Variants in EPPIN observed in about 807,000 individuals in gnomAD.
EPPIN encodes the protein WAP four-disulfide core domain protein 7.
In EPPIN, 14 loss-of-function variants were observed where a neutral mutation model predicts 18.8. That is an observed-to-expected ratio of 0.75 (90% CI 0.49 to 1.17). The LOEUF is 1.17. Among genes scored for constraint, EPPIN ranks in the 50% most tolerant of loss-of-function variants. EPPIN has a pLI of 0.00. For synonymous variants in EPPIN, 57 were observed against 54.8 expected (o/e 1.04, Z -0.18); for missense variants, 143 against 154.2 (o/e 0.93, Z 0.39).
intron 3 of EPPIN, 35 bp from the exon 4 acceptor site, chr20:45,542,189 C>G (rs1220558964): frequency 1.2e-6 from 2 of 1,612,494 alleles, no homozygotes; most frequent in Middle Eastern, 1.6e-4. Context: ...AGCTGAGCAT[C>G]TTGGGTTCAG....
rs1979577152 is a variant in EPPIN at position 45,541,277 on chromosome 20, G to A, written c.*867C>T. 2 of 152,142 alleles carry A rather than the reference G, an allele frequency of 1.3e-5. No homozygotes were observed. The highest frequency in any genetic ancestry group is 2.9e-5 in the Non-Finnish European group (2 of 68,040). 9.4% of individuals were successfully genotyped at this position (152,142 alleles called of 1,614,324 possible). ...GAAAGCATCAGGATAAATAGCTAATGCATGCGGGGCTTAATACCCAGGTAA... is the reference window on the plus strand; with the variant it reads ...GAAAGCATCAGGATAAATAGCTAATACATGCGGGGCTTAATACCCAGGTAA... On this transcript the variant is annotated 3_prime_UTR_variant, in exon 4 of 4. Transcript: ENST00000354280.
chr20:45,542,909 C>T lies in EPPIN; in HGVS notation c.224-42G>A, dbSNP rs1568988821. The stretch of plus-strand genomic sequence containing the variant: ...GAGTTGAAAACTCAGTGTGCCCACT[C>T]CAGAAATAAACAGTTGTTATTATTC... On this transcript the variant is annotated intron_variant, in intron 2 of 3. Transcript: ENST00000354280. 2.5e-6 allele frequency: 4 copies of T among 1,574,316 alleles called. No homozygotes were observed. The East Asian group carries it at 6.8e-5, about 27-fold the overall frequency.
chr20:45,542,342 A>G (rs1945418800), intron 3 of EPPIN, 188 bp from the exon 4 acceptor site: 1 of 761,370 alleles, frequency 1.3e-6, no homozygotes, highest in Non-Finnish European at 2.1e-6. Flanking sequence ...TTGTGTTGAG[A>G]CATTGATGGC....
chr20:45,545,630 G>C lies in EPPIN; in HGVS notation c.223+9C>G. The C allele has an allele frequency of 6.2e-7, 1 of 1,613,922 alleles. No homozygotes were observed. Among genetic ancestry groups the C allele is most frequent in the East Asian group, 2.2e-5 (1 of 44,882 alleles). ...GAGGGGTTGGTTATTCTGCAGCTCTGAATATTACCTTGTTTGAGATCTAAA... is the reference window on the plus strand; with the variant it reads ...GAGGGGTTGGTTATTCTGCAGCTCTCAATATTACCTTGTTTGAGATCTAAA... On this transcript the variant is annotated intron_variant, in intron 2 of 3. Coordinates refer to ENST00000354280, the MANE Select transcript of EPPIN (RefSeq NM_020398.4).
At chr20:45,542,987 C>T in intron 2 of EPPIN, 120 bp from the exon 3 acceptor site, 1 of 1,416,944 alleles carries the variant, frequency 7.1e-7, no homozygotes, top group Non-Finnish European at 9.4e-7. Context: ...TCTCTTATCA[C>T]ATGGCAGGAG....
rs754292016 is a variant in EPPIN, at chr20:45,541,978, A to G, written c.*166T>C. On this transcript the variant is annotated 3_prime_UTR_variant, in exon 4 of 4. Transcript: ENST00000354280. ...ATATTGTGCATCAAAAGAGCCAAAG[A>G]TGGAGGAAGAGGAGGTAGATGCAAG... 172 of 707,680 alleles carry G rather than the reference A, an allele frequency of 2.4e-4. No individual in the cohort carries two copies. Among genetic ancestry groups the G allele is most frequent in the Admixed American group, 4.4e-4 (14 of 31,624 alleles). 43.8% of individuals were successfully genotyped at this position (707,680 alleles called of 1,614,324 possible).
At chr20:45,545,458 G>A in intron 2 of EPPIN, 181 bp downstream of exon 2, 1 of 984,302 alleles carries the variant, frequency 1.0e-6, no homozygotes, top group Admixed American at 2.5e-5. Flanking sequence ...ATAGGATAAG[G>A]TCATTCCTAA....
chr20:45,547,282 C>T lies in EPPIN; in HGVS notation c.76G>A (p.Asp26Asn), dbSNP rs1325614947. ...LANVQGPGLTDWLFPRRCPKI... is the reference protein window; with the variant it reads ...LANVQGPGLTNWLFPRRCPKI... Reference sequence around the variant, plus strand: ...CAATACTTACTGGGAAATAACCAATCAGTCAGACCAGGTCCCTGGACATTC... The same window carrying T: ...CAATACTTACTGGGAAATAACCAATTAGTCAGACCAGGTCCCTGGACATTC... Residue 26 changes from aspartate to asparagine, a missense_variant, in exon 1 of 4, where the codon GAT becomes AAT. Physicochemically the swap from Asp to Asn is conservative, Grantham distance 23. Transcript: ENST00000354280. The T allele has an allele frequency of 6.2e-7, 1 of 1,613,942 alleles. No homozygotes were observed. Among genetic ancestry groups the T allele is most frequent in the East Asian group, 2.2e-5 (1 of 44,874 alleles).
rs1321402383 is a variant in EPPIN, at chr20:45,541,822, A to G, written c.*322T>C. The G allele has an allele frequency of 3.4e-5, 10 of 297,112 alleles. No individual in the cohort carries two copies. The highest frequency in any genetic ancestry group is 9.4e-5 in the South Asian group (1 of 10,678). 18.4% of individuals were successfully genotyped at this position (297,112 alleles called of 1,614,324 possible). Reference sequence around the variant, plus strand: ...AGTGTAATGTGCCAAAAAGATGTCAATCACTCAGCCTCAAGGCACAGGACT... The same window carrying G: ...AGTGTAATGTGCCAAAAAGATGTCAGTCACTCAGCCTCAAGGCACAGGACT... On this transcript the variant is annotated 3_prime_UTR_variant, in exon 4 of 4. Coordinates refer to ENST00000354280, the MANE Select transcript of EPPIN (RefSeq NM_020398.4).
intron 1 of EPPIN, among the ~76,000 whole-genome samples, chr20:45,546,580 C>T (rs984683853): frequency 4.6e-5 from 7 of 151,992 alleles, no homozygotes; most frequent in Non-Finnish European, 8.8e-5. Context: ...TATTAATATC[C>T]CCATTTTACA....
intron 2 of EPPIN, chr20:45,544,313 A>C (rs778598027): frequency 2.0e-5 from 3 of 152,230 alleles, no homozygotes; most frequent in Non-Finnish European, 2.9e-5. Context: ...AATAGGTATC[A>C]GGTGGCTACT....
intron 2 of EPPIN, chr20:45,544,273 G>A (rs1979727227): frequency 6.6e-6 from 1 of 152,166 alleles, no homozygotes; most frequent in African/African-American, 2.4e-5. Flanking sequence ...TGCTATTTAG[G>A]AGCCCTTAGC....
chr20:45,546,161 G>T (rs1979825783), intron 1 of EPPIN: 1 of 288,584 alleles, frequency 3.5e-6, no homozygotes, highest in Non-Finnish European at 6.4e-6. Flanking sequence ...TCCAGGCACT[G>T]CAAAGGTCCC....
chr20:45,541,268 A>G lies in EPPIN; in HGVS notation c.*876T>C, dbSNP rs1979576494. The G allele has an allele frequency of 6.6e-6, 1 of 152,160 alleles. No individual in the cohort carries two copies. 9.4% of individuals were successfully genotyped at this position (152,160 alleles called of 1,614,324 possible). A position where few individuals can be genotyped will look rare whatever the true frequency, so the allele number is the denominator to read the frequency against. ...AGGGGGAGGGAAAGCATCAGGATAA[A>G]TAGCTAATGCATGCGGGGCTTAATA... On this transcript the variant is annotated 3_prime_UTR_variant, in exon 4 of 4. Coordinates refer to ENST00000354280, the MANE Select transcript of EPPIN (RefSeq NM_020398.4).
At chr20:45,545,472 C>T in intron 2 of EPPIN, 167 bp downstream of exon 2, 1 of 1,155,454 alleles carries the variant, frequency 8.7e-7, no homozygotes, top group Non-Finnish European at 1.2e-6. Context: ...TTCCTAATGG[C>T]ACACACCATA....
rs1455464623 is a variant in EPPIN at position 45,541,291 on chromosome 20, A to C, written c.*853T>G. 1 of 152,194 alleles carries C rather than the reference A, an allele frequency of 6.6e-6. No individual in the cohort carries two copies. The highest frequency in any genetic ancestry group is 1.5e-5 in the Non-Finnish European group (1 of 68,038). 9.4% of individuals were successfully genotyped at this position (152,194 alleles called of 1,614,324 possible). A position where few individuals can be genotyped will look rare whatever the true frequency, so the allele number is the denominator to read the frequency against. ...AAATAGCTAATGCATGCGGGGCTTA[A>C]TACCCAGGTAATGGGTTGATAGGTG... On this transcript the variant is annotated 3_prime_UTR_variant, in exon 4 of 4. Coordinates refer to ENST00000354280, the MANE Select transcript of EPPIN (RefSeq NM_020398.4).
Position 45,547,385 on chromosome 20 carries a change from G to A in EPPIN, c.-28C>T. On this transcript the variant is annotated 5_prime_UTR_variant, in exon 1 of 4. Coordinates refer to ENST00000354280, the MANE Select transcript of EPPIN (RefSeq NM_020398.4). ...TGAAGAGAGGCCAGCCTTTCTGGTGGTTCCCGAATTTGGAATGCTCAGCTG... is the reference window on the plus strand; with the variant it reads ...TGAAGAGAGGCCAGCCTTTCTGGTGATTCCCGAATTTGGAATGCTCAGCTG... 6.2e-7 allele frequency: 1 copy of A among 1,612,502 alleles called. No homozygotes were observed. The highest frequency in any genetic ancestry group is 8.5e-7 in the Non-Finnish European group (1 of 1,179,710).
chr20:45,545,813 T>G, intron 1 of EPPIN, 43 bp from the exon 2 acceptor site: 2 of 1,603,306 alleles, frequency 1.2e-6, no homozygotes, highest in Non-Finnish European at 8.5e-7. Context: ...TTAGAGAGCA[T>G]AGTGTCTCCC....
intron 2 of EPPIN, 173 bp downstream of exon 2, chr20:45,545,466 T>TA (rs1336567429): frequency 5.5e-6 from 6 of 1,098,112 alleles, no homozygotes; most frequent in Admixed American, 2.3e-5. Context: ...AGGTCATTCC[T>TA]AATGGCACAC....
Sources: allele counts gnomAD v4.1 joint callset (sites outside exome capture counted in the v4.1 genomes callset), GRCh38; gene constraint gnomAD v4.1.1; transcripts MANE v1.5; gene names NCBI Gene and HGNC (gene_info 2026-07-23, HGNC 2026-07-21).